Variants in UNC45B observed in about 807,000 individuals in gnomAD.
UNC45B encodes protein unc-45 homolog B.
UNC45B carries 78 observed loss-of-function variants against 98.7 expected under a neutral mutation model. The observed-to-expected ratio is 0.79, with a 90% CI of 0.66 to 0.95. The LOEUF is 0.95. Among genes scored for constraint, UNC45B ranks in the 40% least tolerant of loss-of-function variants. UNC45B has a pLI of 0.00. For synonymous variants in UNC45B, 462 were observed against 480.4 expected (o/e 0.96, Z 0.50); for missense variants, 1,225 against 1,184.9 (o/e 1.03, Z -0.50).
chr17:35,159,718 C>G (rs1053419231), intron 8 of UNC45B, among the ~76,000 whole-genome samples, 173 bp downstream of exon 8: 7 of 152,132 alleles, frequency 4.6e-5, no homozygotes, highest in African/African-American at 1.2e-4. Context: ...AGGTGCAGGT[C>G]AAGGCTCTGA....
chr17:35,161,268 A>C (rs774874366), intron 8 of UNC45B, among the ~76,000 whole-genome samples: 2 of 152,228 alleles, frequency 1.3e-5, no homozygotes, highest in Non-Finnish European at 2.9e-5. Flanking sequence ...GGATTTAAAA[A>C]TTCAGATATT....
intron 5 of UNC45B, among the ~76,000 whole-genome samples, chr17:35,154,105 GT>G (rs34315157): frequency 2.0e-5 from 3 of 152,124 alleles, no homozygotes; most frequent in Non-Finnish European, 4.4e-5. Context: ...CCCATCTAGT[GT>G]TTTTGCTGCT....
At chr17:35,155,197 TG>T in intron 6 of UNC45B, 98 bp from the exon 7 acceptor site, 2 of 1,437,300 alleles carry the variant, frequency 1.4e-6, no homozygotes, top group South Asian at 2.7e-5. Context: ...CTCTACTGCA[TG>T]GGATAGGGTG....
At chr17:35,183,995 T>C (rs1415313699) in intron 19 of UNC45B, among the ~76,000 whole-genome samples, 1 of 152,206 alleles carries the variant, frequency 6.6e-6, no homozygotes, top group Admixed American at 6.5e-5. Flanking sequence ...CCAGCTCCTA[T>C]GAGACTGTGG....
At chr17:35,161,038 C>T (rs892155067) in intron 8 of UNC45B, among the ~76,000 whole-genome samples, 1 of 152,148 alleles carries the variant, frequency 6.6e-6, no homozygotes, top group Non-Finnish European at 1.5e-5. Context: ...AACACATTAC[C>T]CTACTGCTAA....
chr17:35,183,596 C>T lies in UNC45B; in HGVS notation c.2529+14C>T. 4 of 1,520,262 alleles carry T rather than the reference C, an allele frequency of 2.6e-6. No homozygotes were observed. The highest frequency in any genetic ancestry group is 3.5e-6 in the Non-Finnish European group (4 of 1,130,344). 94.2% of individuals were successfully genotyped at this position (1,520,262 alleles called of 1,614,324 possible). A position where few individuals can be genotyped will look rare whatever the true frequency, so the allele number is the denominator to read the frequency against. On this transcript the variant is annotated intron_variant, in intron 19 of 19. Transcript: ENST00000394570. ...ATGACTCAAGTGGTAAGAGCTGGCC[C>T]TGGGGATAGGACGGGCTGGGTGGCT...
Position 35,155,282 on chromosome 17 carries a change from T to A in UNC45B, c.640-14T>A, listed in dbSNP as rs533818792. ...GGGCAAGGCAGCTGACCATGGTTCTTGCTGGGGTTCTAGGCCACAGTGATT... is the reference window on the plus strand; with the variant it reads ...GGGCAAGGCAGCTGACCATGGTTCTAGCTGGGGTTCTAGGCCACAGTGATT... On this transcript the variant is annotated splice_polypyrimidine_tract_variant and intron_variant, in intron 6 of 19. Coordinates refer to ENST00000394570, the MANE Select transcript of UNC45B (RefSeq NM_001267052.2). 1.2e-6 allele frequency: 2 copies of A among 1,612,374 alleles called. No individual in the cohort carries two copies. The highest frequency in any genetic ancestry group is 2.7e-5 in the African/African-American group (2 of 75,024).
At chr17:35,180,786 C>G in intron 18 of UNC45B, 110 bp downstream of exon 18, 1 of 702,094 alleles carries the variant, frequency 1.4e-6, no homozygotes, top group Non-Finnish European at 2.4e-6. Flanking sequence ...ATTAAGGTAG[C>G]ATTTTGGGCA....
Position 35,169,860 on chromosome 17 carries a change from A to T in UNC45B, c.1476A>T (p.Ala492=). 1 of 1,614,156 alleles carries T rather than the reference A, an allele frequency of 6.2e-7. No homozygotes were observed. Among genetic ancestry groups the T allele is most frequent in the South Asian group, 1.1e-5 (1 of 91,080 alleles). ...AGGGACTCTGTAAGCTCGGCTCTGC[A>T]GGTGGCACAGACTACGGTCTCAGGC... The part of the protein sequence containing the change: ...TLVGLCKLGS[A]GGTDYGLRQF... Residue 492 remains alanine, a synonymous_variant, in exon 11 of 20, where the codon GCA becomes GCT. Transcript: ENST00000394570.
rs776382433 is a variant in UNC45B at position 35,164,070 on chromosome 17, G to T, written c.1055G>T (p.Arg352Leu). ...TGCCTGCCCCTGACTGACAACACCC[G>T]CATGCTGGCCTCTATCCTCATCAAC... is the stretch of plus-strand genomic sequence containing the variant. ...PSCLPLTDNTRMLASILINKL... is the reference protein window; with the variant it reads ...PSCLPLTDNTLMLASILINKL... The change falls in exon 9 of 20, where the codon CGC becomes CTC. Residue 352 changes from arginine to leucine, a missense_variant. By Grantham distance (102) the Arg-to-Leu change is moderately radical (BLOSUM62 -2). Coordinates refer to ENST00000394570, the MANE Select transcript of UNC45B (RefSeq NM_001267052.2). 4 of 1,614,018 alleles carry T rather than the reference G, an allele frequency of 2.5e-6. No individual in the cohort carries two copies. The highest frequency in any genetic ancestry group is 2.5e-6 in the Non-Finnish European group (3 of 1,179,982).
intron 14 of UNC45B, among the ~76,000 whole-genome samples, chr17:35,174,890 AAAGG>A (rs2092216423): frequency 6.6e-6 from 1 of 151,204 alleles, no homozygotes; most frequent in Non-Finnish European, 1.5e-5. Context: ...CGGAAGGAAA[AAAGG>A]AAGGAGGGAA....
chr17:35,150,396 C>G lies in UNC45B; in HGVS notation c.381+173C>G, dbSNP rs191859541. 4.0e-3 allele frequency among the ~76,000 whole-genome samples: 612 copies of G among 152,332 alleles called. 4 individuals carry two copies. Among genetic ancestry groups the G allele is most frequent in the Non-Finnish European group, 4.7e-3 (317 of 68,022 alleles). ...GCACAGAACAGCTAAGCAGGTGCTT[C>G]TATCTGTGATGCTTGTTTGAGGGCA... is the stretch of plus-strand genomic sequence containing the variant. On this transcript the variant is annotated intron_variant, in intron 4 of 19. Transcript: ENST00000394570.
chr17:35,170,361 C>A (rs903351991), intron 12 of UNC45B, 106 bp downstream of exon 12: 27 of 1,323,820 alleles, frequency 2.0e-5, no homozygotes, highest in Non-Finnish European at 2.7e-5. Flanking sequence ...TACTCCTTAC[C>A]CCTGTATAAA....
chr17:35,169,554 A>C (rs1027184000), intron 10 of UNC45B, among the ~76,000 whole-genome samples: 4 of 152,162 alleles, frequency 2.6e-5, no homozygotes, highest in African/African-American at 9.7e-5. Flanking sequence ...CTGGTTTTTC[A>C]AAATGGCAGG....
At chr17:35,151,138 C>A in intron 4 of UNC45B, 1 of 210,622 alleles carries the variant, frequency 4.7e-6, no homozygotes, top group Non-Finnish European at 9.9e-6. Flanking sequence ...GGCGGGGATT[C>A]GGCGCTGGGC....
chr17:35,163,855 G>T (rs373939262), intron 8 of UNC45B, 140 bp from the exon 9 acceptor site: 1 of 994,750 alleles, frequency 1.0e-6, no homozygotes, highest in Non-Finnish European at 1.4e-6. Flanking sequence ...CCCATTCTAG[G>T]CCCTTTCATT....
intron 19 of UNC45B, 108 bp downstream of exon 19, chr17:35,183,690 C>A: frequency 2.5e-6 from 3 of 1,197,834 alleles, no homozygotes; most frequent in East Asian, 2.9e-5. Flanking sequence ...TAAAGAAACC[C>A]CTCGCAGCCC....
chr17:35,185,669 C>T (rs1368668274), intron 19 of UNC45B, among the ~76,000 whole-genome samples: 1 of 152,088 alleles, frequency 6.6e-6, no homozygotes, highest in East Asian at 1.9e-4. Context: ...TGAGCACTTA[C>T]TGTGCTCCAG....
At chr17:35,150,657 G>A (rs1597903555) in intron 4 of UNC45B, among the ~76,000 whole-genome samples, 1 of 152,272 alleles carries the variant, frequency 6.6e-6, no homozygotes, top group East Asian at 1.9e-4. Flanking sequence ...GCTGAGGCAG[G>A]ATAATTGTTT....
Sources: gnomAD v4.1 joint callset for allele counts (sites outside exome capture counted in the v4.1 genomes callset) on GRCh38, gnomAD v4.1.1 for gene constraint, MANE v1.5 for transcripts, NCBI Gene and HGNC (gene_info 2026-07-23, HGNC 2026-07-21) for gene names.